TAFA5: variants seen among roughly 807,000 people sequenced by gnomAD.
The protein encoded by TAFA5 is TAFA chemokine like family member 5.
Under a neutral mutation model 15.3 loss-of-function variants are expected in TAFA5, and 6 were observed. The ratio of observed to expected loss-of-function variants is 0.39; its 90% CI spans 0.21 to 0.77. TAFA5 has a LOEUF of 0.77. Among genes scored for constraint, TAFA5 ranks in the 30% least tolerant of loss-of-function variants. TAFA5 has a pLI of 0.41. For synonymous variants in TAFA5, 103 were observed against 80.7 expected (o/e 1.28, Z -1.48); for missense variants, 161 against 193.1 (o/e 0.83, Z 0.98).
At chr22:48,717,042 G>A (rs1377795601) in intron 3 of TAFA5, among the ~76,000 whole-genome samples, 1 of 152,224 alleles carries the variant, frequency 6.6e-6, no homozygotes, top group African/African-American at 2.4e-5. Context: ...CAGAACTGAT[G>A]TCAGTTTCCC....
intron 2 of TAFA5, among the ~76,000 whole-genome samples, chr22:48,701,226 G>A (rs73175172): frequency 0.014 from 2,186 of 152,128 alleles, 31 homozygotes; most frequent in Non-Finnish European, 0.025. Context: ...GATGACCTTT[G>A]CAGCCGGACC....
intron 1 of TAFA5, among the ~76,000 whole-genome samples, chr22:48,569,971 C>T (rs778871095): frequency 2.0e-5 from 3 of 152,260 alleles, no homozygotes; most frequent in Non-Finnish European, 2.9e-5. Flanking sequence ...CACACATAGC[C>T]GCGGTGCCAG....
At chr22:48,730,158 G>A (rs1379622391) in intron 3 of TAFA5, among the ~76,000 whole-genome samples, 1 of 152,194 alleles carries the variant, frequency 6.6e-6, no homozygotes, top group Non-Finnish European at 1.5e-5. Flanking sequence ...GCCGAGGTGG[G>A]CGAATCATGA....
At chr22:48,573,658 A>G (rs1333560899) in intron 1 of TAFA5, among the ~76,000 whole-genome samples, 1 of 152,202 alleles carries the variant, frequency 6.6e-6, no homozygotes, top group Non-Finnish European at 1.5e-5. Flanking sequence ...GTCCCCCAAC[A>G]TTAGGTATGG....
intron 1 of TAFA5, among the ~76,000 whole-genome samples, chr22:48,562,433 C>T (rs1029897595): frequency 9.2e-5 from 14 of 152,332 alleles, no homozygotes; most frequent in African/African-American, 1.7e-4. Flanking sequence ...CCACCGCGCC[C>T]GGCCCCGCGG....
At chr22:48,583,122 T>TCACACGCCACACACACAC (rs1569034652) in intron 1 of TAFA5, among the ~76,000 whole-genome samples, 2 of 51,666 alleles carry the variant, frequency 3.9e-5, no homozygotes, top group Non-Finnish European at 8.1e-5. Context: ...CACACACACA[T>TCACACGCCACACACACAC]CACACGCCAC....
intron 1 of TAFA5, among the ~76,000 whole-genome samples, chr22:48,588,851 G>A (rs1345467502): frequency 2.0e-5 from 3 of 152,028 alleles, no homozygotes; most frequent in South Asian, 2.1e-4. Flanking sequence ...AGCCAACCTG[G>A]CCCCCCGTGA....
rs929430715 is a variant in TAFA5, at chr22:48,646,690, C to T, written c.206C>T (p.Ala69Val). The change falls in exon 2 of 4, where the codon GCG becomes GTG. Residue 69 changes from alanine (A) to valine (V), a missense_variant. By Grantham distance (64) the Ala-to-Val change is moderately conservative. Transcript: ENST00000402357. Reference protein sequence around the residue: ...RTIARQTARCACRKGQIAGTT... With the variant: ...RTIARQTARCVCRKGQIAGTT... Reference sequence around the variant, plus strand: ...ATCGCCCGGCAGACCGCCCGCTGTGCGTGTAGAAAGGGGCAGATCGCCGGC... The same window carrying T: ...ATCGCCCGGCAGACCGCCCGCTGTGTGTGTAGAAAGGGGCAGATCGCCGGC... 17 of 1,609,684 alleles carry T rather than the reference C, an allele frequency of 1.1e-5. No individual in the cohort carries two copies. Among genetic ancestry groups the T allele is most frequent in the Non-Finnish European group, 1.4e-5 (16 of 1,179,362 alleles).
At chr22:48,748,765 G>C (rs1343694486) in intron 3 of TAFA5, among the ~76,000 whole-genome samples, 1 of 152,194 alleles carries the variant, frequency 6.6e-6, no homozygotes, top group African/African-American at 2.4e-5. Flanking sequence ...CTGGGATTTG[G>C]GGAGGCCCTG....
chr22:48,627,107 C>T (rs1047508403), intron 1 of TAFA5, among the ~76,000 whole-genome samples: 1 of 152,218 alleles, frequency 6.6e-6, no homozygotes, highest in African/African-American at 2.4e-5. Flanking sequence ...CACACCAAGG[C>T]CAGAAGACAT....
chr22:48,523,064 G>A (rs751821718), intron 1 of TAFA5, among the ~76,000 whole-genome samples: 4 of 152,226 alleles, frequency 2.6e-5, no homozygotes, highest in Non-Finnish European at 5.9e-5. Flanking sequence ...CACGGTGGAG[G>A]ATGGCCAGGC....
At chr22:48,696,046 G>T (rs1002051673) in intron 2 of TAFA5, among the ~76,000 whole-genome samples, 7 of 152,168 alleles carry the variant, frequency 4.6e-5, no homozygotes, top group Non-Finnish European at 8.8e-5. Context: ...AACCCCACCT[G>T]CCCCGGACCC....
chr22:48,519,988 A>G (rs1720612095), intron 1 of TAFA5, among the ~76,000 whole-genome samples: 1 of 152,186 alleles, frequency 6.6e-6, no homozygotes, highest in South Asian at 2.1e-4. Context: ...GTCACACGAG[A>G]GTTGGATAGG....
rs1276971826 is a variant in TAFA5, at chr22:48,742,078, G to A, written c.391-7761G>A. Among the ~76,000 whole-genome samples the A allele has an allele frequency of 1.3e-5, 2 of 152,188 alleles. No individual in the cohort carries two copies. Among genetic ancestry groups the A allele is most frequent in the East Asian group, 3.9e-4 (2 of 5,190 alleles). On this transcript the variant is annotated intron_variant, in intron 3 of 3. Transcript: ENST00000402357. This position sits in a 1 kb window ranked among gnomAD's most constrained non-coding sequence, Gnocchi z 6.2. ...CTGGGGCTCCCAGAGGCTCCAGCTG[G>A]GAGGCTGTGGGAGGTCGGGGCACCT... is the stretch of plus-strand genomic sequence containing the variant.
intron 2 of TAFA5, among the ~76,000 whole-genome samples, chr22:48,683,120 A>G (rs765933343): frequency 6.6e-5 from 10 of 152,212 alleles, no homozygotes; most frequent in South Asian, 6.2e-4. Context: ...CCCGGTGGCA[A>G]TACCAGCTAC....
At chr22:48,643,251 G>A (rs1391701302) in intron 1 of TAFA5, among the ~76,000 whole-genome samples, 1 of 152,046 alleles carries the variant, frequency 6.6e-6, no homozygotes, top group Non-Finnish European at 1.5e-5. Flanking sequence ...GTGGCTCGCT[G>A]TGGCGATCTG....
intron 1 of TAFA5, among the ~76,000 whole-genome samples, chr22:48,527,987 C>G (rs133483): frequency 2.0e-5 from 3 of 152,168 alleles, no homozygotes; most frequent in Admixed American, 6.5e-5. Flanking sequence ...TCTCTGGAAT[C>G]GGGAATGTCA....
intron 2 of TAFA5, among the ~76,000 whole-genome samples, chr22:48,669,369 T>C (rs5771924): frequency 0.56 from 85,351 of 152,190 alleles, 24,097 homozygotes; most frequent in East Asian, 0.62. Flanking sequence ...AAAGGAGCCC[T>C]TGGCCCCGGG....
intron 3 of TAFA5, among the ~76,000 whole-genome samples, chr22:48,731,006 A>G (rs919071999): frequency 6.6e-6 from 1 of 152,250 alleles, no homozygotes; most frequent in Admixed American, 6.5e-5. Flanking sequence ...CTCTCGCACC[A>G]GTCAGCCAAG....
Sources: allele counts gnomAD v4.1 joint callset (sites outside exome capture counted in the v4.1 genomes callset), GRCh38; gene constraint gnomAD v4.1.1; non-coding constraint Gnocchi (gnomAD v3.1); transcripts MANE v1.5; gene names NCBI Gene and HGNC (gene_info 2026-07-23, HGNC 2026-07-21).